The following MFSD6 variants were observed in gnomAD, a reference collection of about 807,000 sequenced individuals.
MFSD6 encodes major facilitator superfamily domain containing 6.
In MFSD6, 26 loss-of-function variants were observed where a neutral mutation model predicts 56.3. That is an observed-to-expected ratio of 0.46 (90% CI 0.34 to 0.64). The LOEUF is 0.64. MFSD6 is among the 30% of genes least tolerant of loss of function. The pLI is 0.01. For missense variants in MFSD6, 750 were observed against 986.2 expected (o/e 0.76, Z 3.21); for synonymous variants, 331 against 366.9 (o/e 0.90, Z 1.12).
Position 190,488,712 on chromosome 2 carries a change from TC to T in MFSD6, c.1691del (p.Pro564LeufsTer3). 1 of 1,604,240 alleles carries T rather than the reference TC, an allele frequency of 6.2e-7. No homozygotes were observed. Among genetic ancestry groups the T allele is most frequent in the East Asian group, 2.3e-5 (1 of 44,268 alleles). ...GCATTTCTTACCTCAGTGCAGCCGT[TC>T]CCCCTGAGCTGAGGACATCTGCTCA... ...ACISYLSAAV[P>X]PELRTSAQGI... On this transcript the variant is annotated frameshift_variant, in exon 5 of 8. Transcript: ENST00000392328. LOFTEE classifies it high-confidence loss of function. This position sits in a 1 kb window ranked among gnomAD's most constrained non-coding sequence, Gnocchi z 6.4.
intron 4 of MFSD6, among the ~76,000 whole-genome samples, chr2:190,486,612 A>G (rs896330822): frequency 5.3e-5 from 8 of 152,154 alleles, no homozygotes; most frequent in African/African-American, 1.7e-4. Flanking sequence ...CCACTGTCTC[A>G]TATGTTTTGT....
intron 2 of MFSD6, among the ~76,000 whole-genome samples, chr2:190,428,062 T>A (rs1327797299): frequency 5.9e-5 from 9 of 152,164 alleles, no homozygotes; most frequent in South Asian, 4.1e-4. Context: ...CATAACTTAG[T>A]TTTGCCTGTT....
At chr2:190,411,699 G>T in intron 1 of MFSD6, 1 of 985,380 alleles carries the variant, frequency 1.0e-6, no homozygotes, top group Non-Finnish European at 1.2e-6. Context: ...ATGAGACTCA[G>T]GAGATCAAAG....
At chr2:190,475,215 G>A (rs2125171406) in intron 4 of MFSD6, among the ~76,000 whole-genome samples, 1 of 152,176 alleles carries the variant, frequency 6.6e-6, no homozygotes, top group South Asian at 2.1e-4. Context: ...TTCTGGCCAG[G>A]GCAATCAGGC....
Position 190,489,838 on chromosome 2 carries a change from G to C in MFSD6, c.1863G>C (p.Gln621His). The change falls in exon 6 of 8, where the codon CAG becomes CAC. Residue 621 changes from glutamine to histidine, a missense_variant. Gln to His is a conservative substitution (Grantham distance 24). Coordinates refer to ENST00000392328, the MANE Select transcript of MFSD6 (RefSeq NM_017694.4). This position sits in a 1 kb window ranked among gnomAD's most constrained non-coding sequence, Gnocchi z 6.6. ...TCCTACTGCTCTTTGCCCTGATCCA[G>C]TGGCTGGCAGTGCCAGATGAGGAAG... ...LVILLLFALI[Q>H]WLAVPDEEED... The C allele has an allele frequency of 6.2e-7, 1 of 1,614,142 alleles. No individual in the cohort carries two copies. Among genetic ancestry groups the C allele is most frequent in the Non-Finnish European group, 8.5e-7 (1 of 1,179,984 alleles).
In MFSD6 at chr2:190,417,718, T is replaced by C. The variant is rs1006485975; in HGVS notation, c.-54+2305T>C. 1.3e-5 allele frequency among the ~76,000 whole-genome samples: 2 copies of C among 152,160 alleles called. No individual in the cohort carries two copies. The highest frequency in any genetic ancestry group is 2.9e-5 in the Non-Finnish European group (2 of 68,024). On this transcript the variant is annotated intron_variant, in intron 2 of 7. Coordinates refer to ENST00000392328, the MANE Select transcript of MFSD6 (RefSeq NM_017694.4). The surrounding 1 kb of genome is among the most constrained non-coding windows in gnomAD (Gnocchi z 5.7). ...TGGGATAAATCTTTTACGGATCCTC[T>C]GCTGCCTTTTCTTTCCTCTACCCTG... is the stretch of plus-strand genomic sequence containing the variant.
intron 6 of MFSD6, among the ~76,000 whole-genome samples, chr2:190,493,189 A>C (rs1689464732): frequency 6.6e-6 from 1 of 152,084 alleles, no homozygotes; most frequent in Admixed American, 6.6e-5. Flanking sequence ...GTGGAAAAAG[A>C]CATTCCATGC....
chr2:190,445,186 T>G (rs370562650), intron 3 of MFSD6, among the ~76,000 whole-genome samples: 24 of 152,272 alleles, frequency 1.6e-4, no homozygotes, highest in East Asian at 9.6e-4. Context: ...GGGATACTTA[T>G]CTCATATTAA....
rs139190436 is a variant in MFSD6, at chr2:190,461,039, A to C, written c.1533-8719A>C. 6.6e-5 allele frequency among the ~76,000 whole-genome samples: 10 copies of C among 152,290 alleles called. No individual in the cohort carries two copies. The highest frequency in any genetic ancestry group is 1.3e-4 in the Admixed American group (2 of 15,290). On this transcript the variant is annotated intron_variant, in intron 3 of 7. Coordinates refer to ENST00000392328, the MANE Select transcript of MFSD6 (RefSeq NM_017694.4). The surrounding 1 kb of genome is among the most constrained non-coding windows in gnomAD (Gnocchi z 5.5). ...AATGATTATGGCAACACTATTTCCT[A>C]TGTCTTTCTTAACTCTTTGGACAAC...
rs1128723 is a variant in MFSD6, at chr2:190,501,981, A to G, written c.*1763A>G. On this transcript the variant is annotated 3_prime_UTR_variant, in exon 8 of 8. Coordinates refer to ENST00000392328, the MANE Select transcript of MFSD6 (RefSeq NM_017694.4). ...GTAGGAAGTCAAAAACTTGTACTGT[A>G]TCTTGTGTTTACAGTTCTGATTTAT... 0.17 allele frequency: 26,099 copies of G among 152,616 alleles called. 2,385 individuals are homozygous for G. The highest frequency in any genetic ancestry group is 0.3 in the East Asian group (1,575 of 5,166). 9.5% of individuals were successfully genotyped at this position (152,616 alleles called of 1,614,324 possible).
intron 4 of MFSD6, among the ~76,000 whole-genome samples, chr2:190,481,768 T>C (rs1231717673): frequency 6.6e-6 from 1 of 152,220 alleles, no homozygotes; most frequent in Admixed American, 6.5e-5. Context: ...GAATGTTGGC[T>C]TTTAACACAA....
intron 1 of MFSD6, 99 bp downstream of exon 1, chr2:190,408,602 C>G (rs1023735608): frequency 1.3e-5 from 2 of 152,142 alleles, no homozygotes; most frequent in Non-Finnish European, 2.9e-5. Context: ...GCACCTCAGC[C>G]GCGCACACCT....
chr2:190,459,117 C>G lies in MFSD6; in HGVS notation c.1533-10641C>G, dbSNP rs572607171. On this transcript the variant is annotated intron_variant, in intron 3 of 7. Transcript: ENST00000392328. This position sits in a 1 kb window ranked among gnomAD's most constrained non-coding sequence, Gnocchi z 5.3. Reference sequence around the variant, plus strand: ...CCCTAGGGGTTTCTCCCAGAACATCCTATCCAAGACTCCTTTTTTCCTCCC... The same window carrying G: ...CCCTAGGGGTTTCTCCCAGAACATCGTATCCAAGACTCCTTTTTTCCTCCC... 1.1e-3 allele frequency among the ~76,000 whole-genome samples: 171 copies of G among 152,326 alleles called. No homozygotes were observed. The highest frequency in any genetic ancestry group is 2.1e-3 in the Non-Finnish European group (142 of 68,024).
At chr2:190,466,998 T>C (rs1004819501) in intron 3 of MFSD6, among the ~76,000 whole-genome samples, 1 of 152,238 alleles carries the variant, frequency 6.6e-6, no homozygotes, top group African/African-American at 2.4e-5. Context: ...CCAGGAGTTT[T>C]GGACTATGGC....
rs1338595771 is a variant in MFSD6, at chr2:190,469,183, A to G, written c.1533-575A>G. Among the ~76,000 whole-genome samples the G allele has an allele frequency of 6.6e-6, 1 of 152,218 alleles. No individual in the cohort carries two copies. The highest frequency in any genetic ancestry group is 3.2e-3 in the Middle Eastern group (1 of 316). On this transcript the variant is annotated intron_variant, in intron 3 of 7. Transcript: ENST00000392328. The surrounding 1 kb of genome is among the most constrained non-coding windows in gnomAD (Gnocchi z 5.3). ...ATGAACATGTATCCATTGAACTGAT[A>G]GGAGAAACTATTTGATTTCCAAATA...
rs978703046 is a variant in MFSD6, at chr2:190,447,446, C to A, written c.1532+9885C>A. 6.6e-6 allele frequency among the ~76,000 whole-genome samples: 1 copy of A among 152,058 alleles called. No homozygotes were observed. The highest frequency in any genetic ancestry group is 1.9e-4 in the East Asian group (1 of 5,190). ...TGGATTATTCCTGTACTGCTAAGTCCTCTGCTAATATATGGAGGACACATA... is the reference window on the plus strand; with the variant it reads ...TGGATTATTCCTGTACTGCTAAGTCATCTGCTAATATATGGAGGACACATA... On this transcript the variant is annotated intron_variant, in intron 3 of 7. Coordinates refer to ENST00000392328, the MANE Select transcript of MFSD6 (RefSeq NM_017694.4). The surrounding 1 kb of genome is among the most constrained non-coding windows in gnomAD (Gnocchi z 4.5).
rs56342910 is a variant in MFSD6, at chr2:190,463,714, G to T, written c.1533-6044G>T. The stretch of plus-strand genomic sequence containing the variant: ...GCACACCTGTAGTCCCAGCTACTTG[G>T]GGGGCTGAGGTGGGAGGATCACCTG... On this transcript the variant is annotated intron_variant, in intron 3 of 7. Coordinates refer to ENST00000392328, the MANE Select transcript of MFSD6 (RefSeq NM_017694.4). The surrounding 1 kb of genome is among the most constrained non-coding windows in gnomAD (Gnocchi z 4.4). 35,571 of 192,850 alleles carry T rather than the reference G, an allele frequency of 0.18. 3,476 individuals carry two copies. The highest frequency in any genetic ancestry group is 0.29 in the East Asian group (1,535 of 5,340). The allele number at this position is 192,850 out of a possible 1,614,324, so 11.9% of individuals were successfully genotyped here.
chr2:190,482,660 A>G (rs534712227), intron 4 of MFSD6, among the ~76,000 whole-genome samples: 1 of 147,100 alleles, frequency 6.8e-6, no homozygotes, highest in Non-Finnish European at 1.5e-5. Context: ...CTGTCTCCTT[A>G]AGAAGAAAGG....
chr2:190,449,581 C>G (rs573453095), intron 3 of MFSD6, among the ~76,000 whole-genome samples: 1 of 152,240 alleles, frequency 6.6e-6, no homozygotes, highest in Non-Finnish European at 1.5e-5. Context: ...TTTATTGCGG[C>G]ACTATTCACA....
Sources: allele counts gnomAD v4.1 joint callset (sites outside exome capture counted in the v4.1 genomes callset), GRCh38; gene constraint gnomAD v4.1.1; non-coding constraint Gnocchi (gnomAD v3.1); transcripts MANE v1.5; gene names NCBI Gene and HGNC (gene_info 2026-07-23, HGNC 2026-07-21).